Variants in CEP78 observed in about 807,000 individuals in gnomAD.
CEP78 encodes centrosomal protein 78.
Under a neutral mutation model 81.2 loss-of-function variants are expected in CEP78, and 76 were observed. That is an observed-to-expected ratio of 0.94 (90% confidence interval 0.78 to 1.13). The LOEUF is 1.13. Among genes scored for constraint, CEP78 ranks in the 50% most tolerant of loss-of-function variants. The pLI, the probability that CEP78 is intolerant of heterozygous loss-of-function variation, is 0.00. For missense variants in CEP78, 918 were observed against 846.8 expected, an observed-to-expected ratio of 1.08 and a Z score of -1.04; for synonymous variants, 293 against 301.4, an observed-to-expected ratio of 0.97 and a Z score of 0.29.
intron 3 of CEP78, among the ~76,000 whole-genome samples, chr9:78,241,368 T>C (rs953855504): frequency 6.6e-6 from 1 of 152,130 alleles, no homozygotes. Flanking sequence ...GAAATGAAAA[T>C]AGGAAGAGTT....
At position 78,273,378 on chromosome 9, in the gene CEP78, C is replaced by T. The variant is rs1684617018; in HGVS notation, c.*2527C>T. The T allele has an allele frequency of 6.6e-6, 1 of 152,142 alleles. No individual in the cohort carries two copies. Among genetic ancestry groups the T allele is most frequent in the African/African-American group, 2.4e-5 (1 of 41,450 alleles). The allele number at this position is 152,142 out of a possible 1,614,324, so 9.4% of individuals were successfully genotyped here. ...AAATTGGTAAAGGGGACAAAAGCTT[C>T]TTTTGGCTGATAAGTACAGTGTTGC... On this transcript the variant is annotated 3_prime_UTR_variant, in exon 17 of 17. Coordinates refer to ENST00000643273, the MANE Select transcript of CEP78 (RefSeq NM_001330691.3).
Position 78,262,999 on chromosome 9 carries a change from T to C in CEP78, c.1458+15T>C, listed in dbSNP as rs1278377043. 6.7e-7 allele frequency: 1 copy of C among 1,502,200 alleles called. No individual in the cohort carries two copies. Among genetic ancestry groups the C allele is most frequent in the East Asian group, 2.5e-5 (1 of 40,398 alleles). 93.1% of individuals were successfully genotyped at this position (1,502,200 alleles called of 1,614,324 possible). A position where few individuals can be genotyped will look rare whatever the true frequency, so the allele number is the denominator to read the frequency against. ...GAGTCAGTGAGGTAAATAAAAGTTT[T>C]CTTACCTTTTGAGAGTTTTTTGTTT... On this transcript the variant is annotated intron_variant, in intron 12 of 16. Transcript: ENST00000643273.
In CEP78 at chr9:78,243,612, C is replaced by T. The variant is rs371528754; in HGVS notation, c.754C>T (p.Leu252Phe). The T allele has an allele frequency of 1.4e-5, 23 of 1,613,264 alleles. No individual in the cohort carries two copies. Among genetic ancestry groups the T allele is most frequent in the African/African-American group, 2.7e-5 (2 of 74,882 alleles). The change falls in exon 5 of 17, where the codon CTC (leucine) becomes TTC (phenylalanine). Residue 252 changes from leucine (L) to phenylalanine (F), a missense_variant. Transcript: ENST00000643273. The part of the protein sequence containing the change: ...DLGACAFADS[L>F]SEDLWLRALD... Reference sequence around the variant, plus strand: ...AGGTGCATGTGCTTTTGCAGACTCTCTCAGTGAGGATTTATGGCTGAGAGG... The same window carrying T: ...AGGTGCATGTGCTTTTGCAGACTCTTTCAGTGAGGATTTATGGCTGAGAGG...
At chr9:78,236,853 AG>A (rs1176506027) in intron 1 of CEP78, among the ~76,000 whole-genome samples, 3 of 151,848 alleles carry the variant, frequency 2.0e-5, no homozygotes, top group Non-Finnish European at 4.4e-5. Context: ...CAGAGCTCTT[AG>A]CACAGTTTGG....
chr9:78,270,062 A>G (rs1157039671), intron 16 of CEP78, among the ~76,000 whole-genome samples: 2 of 152,242 alleles, frequency 1.3e-5, no homozygotes, highest in Admixed American at 6.5e-5. Flanking sequence ...AGAAATATGG[A>G]TTAGAAAATA....
chr9:78,239,681 A>G (rs1414460812), intron 1 of CEP78, among the ~76,000 whole-genome samples: 2 of 152,100 alleles, frequency 1.3e-5, no homozygotes, highest in African/African-American at 2.4e-5. Flanking sequence ...ATCCACCTGC[A>G]GTTTTCCAGT....
chr9:78,264,129 A>G, intron 12 of CEP78, 21 bp from the exon 13 acceptor site: 1 of 1,409,026 alleles, frequency 7.1e-7, no homozygotes, highest in Non-Finnish European at 9.3e-7. Flanking sequence ...CATGTCACAC[A>G]TTTTCAATCT....
rs562952738 is a variant in CEP78 at position 78,273,124 on chromosome 9, T to A, written c.*2273T>A. ...GAAAAAGAAACAAGCTACATAGAAATAAAAAATCCACAATATAGCAAGATC... is the reference window on the plus strand; with the variant it reads ...GAAAAAGAAACAAGCTACATAGAAAAAAAAAATCCACAATATAGCAAGATC... On this transcript the variant is annotated 3_prime_UTR_variant, in exon 17 of 17. Transcript: ENST00000643273. 9.9e-5 allele frequency: 15 copies of A among 152,088 alleles called. No individual in the cohort carries two copies. Among genetic ancestry groups the A allele is most frequent in the African/African-American group, 3.6e-4 (15 of 41,486 alleles). The allele number at this position is 152,088 out of a possible 1,614,324, so 9.4% of individuals were successfully genotyped here.
intron 11 of CEP78, 52 bp from the exon 12 acceptor site, chr9:78,262,854 TG>T: frequency 8.8e-7 from 1 of 1,131,824 alleles, no homozygotes; most frequent in Non-Finnish European, 1.3e-6. Flanking sequence ...GGAAGAGTTT[TG>T]GGGATCATAT....
rs145811113 is a variant in CEP78 at position 78,265,619 on chromosome 9, G to T, written c.1797+76G>T. 4.8e-4 allele frequency: 647 copies of T among 1,349,290 alleles called. 1 individual carries two copies. In the African/African-American group the frequency reaches 8.6e-3, roughly 18 times the overall value. The allele number at this position is 1,349,290 out of a possible 1,614,324, so 83.6% of individuals were successfully genotyped here. ...GGGAATTACTAAGTCAGAGAGAAAA[G>T]AATAATGATCTGTGCACATGCTCAG... is the stretch of plus-strand genomic sequence containing the variant. On this transcript the variant is annotated intron_variant, in intron 14 of 16. Coordinates refer to ENST00000643273, the MANE Select transcript of CEP78 (RefSeq NM_001330691.3).
Position 78,241,728 on chromosome 9 carries a change from C to G in CEP78, c.532C>G (p.Leu178Val), listed in dbSNP as rs1385414190. 6.2e-7 allele frequency: 1 copy of G among 1,607,110 alleles called. No individual in the cohort carries two copies. Among genetic ancestry groups the G allele is most frequent in the East Asian group, 2.2e-5 (1 of 44,792 alleles). The change falls in exon 4 of 17, where the codon CTT (leucine) becomes GTT (valine). Residue 178 changes from leucine (L) to valine (V), a missense_variant. Leu to Val is a conservative substitution (Grantham distance 32). Transcript: ENST00000643273. ...ICQGIKSSIT[L>V]KTVNFTGCNL... ...TCAAGGTATAAAGAGCTCTATCACTCTTAAGACAGTCAACTTCACAGGATG... is the reference window on the plus strand; with the variant it reads ...TCAAGGTATAAAGAGCTCTATCACTGTTAAGACAGTCAACTTCACAGGATG...
At chr9:78,239,975 A>G in intron 1 of CEP78, 48 bp from the exon 2 acceptor site, 1 of 1,441,272 alleles carries the variant, frequency 6.9e-7, no homozygotes, top group African/African-American at 1.4e-5. Flanking sequence ...TTTTTGAATG[A>G]TACATTGTAT....
chr9:78,262,084 G>C (rs994582332), intron 11 of CEP78, among the ~76,000 whole-genome samples: 4 of 151,932 alleles, frequency 2.6e-5, no homozygotes, highest in African/African-American at 4.8e-5. Context: ...CCACATCAGA[G>C]AATCTTACTT....
rs1043926439 is a variant in CEP78 at position 78,279,464 on chromosome 9, A to G, written c.*8613A>G. ...ATATTATTCCAAATATTGCAAACCT[A>G]CAAGGAGTAAAAGGTGTTATTATTT... On this transcript the variant is annotated 3_prime_UTR_variant, in exon 17 of 17. Coordinates refer to ENST00000643273, the MANE Select transcript of CEP78 (RefSeq NM_001330691.3). 1.3e-5 allele frequency: 2 copies of G among 152,202 alleles called. No homozygotes were observed. The highest frequency in any genetic ancestry group is 4.8e-5 in the African/African-American group (2 of 41,440). The allele number at this position is 152,202 out of a possible 1,614,324, so 9.4% of individuals were successfully genotyped here.
intron 8 of CEP78, among the ~76,000 whole-genome samples, 197 bp from the exon 9 acceptor site, chr9:78,251,711 G>A (rs909170249): frequency 7.3e-5 from 11 of 150,854 alleles, no homozygotes; most frequent in African/African-American, 2.7e-4. Context: ...TTATATTTAA[G>A]TATATTAAAA....
intron 16 of CEP78, among the ~76,000 whole-genome samples, chr9:78,268,520 A>C (rs952752770): frequency 1.3e-5 from 2 of 152,192 alleles, no homozygotes; most frequent in Non-Finnish European, 2.9e-5. Flanking sequence ...AGGCTGATAC[A>C]TTAAAGAAGT....
rs1563999812 is a variant in CEP78 at position 78,266,669 on chromosome 9, T to C, written c.2073T>C (p.Asn691=). The C allele has an allele frequency of 1.9e-6, 3 of 1,612,230 alleles. No homozygotes were observed. Among genetic ancestry groups the C allele is most frequent in the Admixed American group, 3.3e-5 (2 of 59,730 alleles). The part of the protein sequence containing the change: ...SQRKEEELSR[N]SRSSSEKKTK... ...GAAAAGAAGAGGAGTTGTCCAGAAA[T>C]AGCAGATCTTCTTCAGAGAAAAAGA... Residue 691 remains asparagine, a synonymous_variant, in exon 16 of 17, where the codon AAT becomes AAC. Transcript: ENST00000643273.
intron 11 of CEP78, among the ~76,000 whole-genome samples, chr9:78,261,990 G>A (rs1050587558): frequency 1.3e-5 from 2 of 152,010 alleles, no homozygotes; most frequent in Admixed American, 6.5e-5. Flanking sequence ...ACCTCTGCAT[G>A]GTACACACAC....
At chr9:78,244,093 G>A (rs912312208) in intron 5 of CEP78, among the ~76,000 whole-genome samples, 1 of 146,250 alleles carries the variant, frequency 6.8e-6, no homozygotes, top group African/African-American at 2.5e-5. Flanking sequence ...CAACTCTGTA[G>A]TAAACTCCTT....
Sources: allele counts gnomAD v4.1 joint callset (sites outside exome capture counted in the v4.1 genomes callset), GRCh38; gene constraint gnomAD v4.1.1; transcripts MANE v1.5; gene names NCBI Gene and HGNC (gene_info 2026-07-23, HGNC 2026-07-21).